Variants in KIF17 observed in about 807,000 individuals in gnomAD.
KIF17 encodes kinesin-like protein KIF17.
A neutral mutation model predicts 96.8 loss-of-function variants in KIF17; 80 were observed. That is an observed-to-expected ratio of 0.83 (90% CI 0.69 to 1.00). The LOEUF (loss-of-function observed/expected upper bound fraction) is 1.00, where lower values mean the gene tolerates loss of function less well. Among genes scored for constraint, KIF17 ranks in the 50% least tolerant of loss-of-function variants. The pLI, the probability that KIF17 is intolerant of heterozygous loss-of-function variation, is 0.00. For missense variants in KIF17, 1,280 were observed against 1,372.9 expected (o/e 0.93, Z 1.07); for synonymous variants, 567 against 587.5 (o/e 0.97, Z 0.51).
intron 8 of KIF17, among the ~76,000 whole-genome samples, chr1:20,686,957 C>T (rs1457398586): frequency 1.3e-5 from 2 of 152,148 alleles, no homozygotes; most frequent in African/African-American, 2.4e-5. Context: ...CCAGAAGCCT[C>T]GTGGTCACTG....
intron 2 of KIF17, among the ~76,000 whole-genome samples, chr1:20,714,326 CA>C (rs934872808): frequency 1.3e-3 from 170 of 130,536 alleles, no homozygotes; most frequent in Non-Finnish European, 1.2e-3. Context: ...GACTCCGTCT[CA>C]AAAAAAAAAA....
chr1:20,665,547 A>G (rs2053512916), intron 14 of KIF17, among the ~76,000 whole-genome samples: 1 of 151,666 alleles, frequency 6.6e-6, no homozygotes, highest in Admixed American at 6.6e-5. Context: ...TTACAGGCAC[A>G]CGCCACTACC....
chr1:20,668,976 GC>G (rs1318092471), intron 13 of KIF17, among the ~76,000 whole-genome samples: 1 of 152,142 alleles, frequency 6.6e-6, no homozygotes, highest in Non-Finnish European at 1.5e-5. Context: ...GTCCCCAGCA[GC>G]CACCAGAGGC....
rs754132551 is a variant in KIF17 at position 20,709,117 on chromosome 1, G to A, written c.670+522C>T. 6.6e-6 allele frequency among the ~76,000 whole-genome samples: 1 copy of A among 152,228 alleles called. No individual in the cohort carries two copies. Among genetic ancestry groups the A allele is most frequent in the Non-Finnish European group, 1.5e-5 (1 of 68,042 alleles). On this transcript the variant is annotated intron_variant, in intron 4 of 14. Coordinates refer to ENST00000400463, the MANE Select transcript of KIF17 (RefSeq NM_001122819.3). The surrounding 1 kb of genome is among the most constrained non-coding windows in gnomAD (Gnocchi z 4.7). Reference sequence around the variant, plus strand: ...ACATTGCCTGGCACACTGGCCGGGCGCAGTGGCTCAAGCCTGTAATCCTAA... The same window carrying A: ...ACATTGCCTGGCACACTGGCCGGGCACAGTGGCTCAAGCCTGTAATCCTAA...
chr1:20,684,311 G>A (rs1160590594), intron 10 of KIF17, among the ~76,000 whole-genome samples: 2 of 152,234 alleles, frequency 1.3e-5, no homozygotes, highest in African/African-American at 2.4e-5. Context: ...GTCTCCGCCT[G>A]TTGAACCCCT....
chr1:20,665,878 AGGAAGCTGGCGCGTAACTAGTGAG>A (rs1557578611), intron 14 of KIF17, among the ~76,000 whole-genome samples: 2 of 152,160 alleles, frequency 1.3e-5, no homozygotes, highest in Non-Finnish European at 2.9e-5. Flanking sequence ...GTGACTCGCC[AGGAAGCTGGCGCGTAACTAGTGAG>A]GCCTAAACCC....
rs1375050961 is a variant in KIF17, at chr1:20,666,171, C to A, written c.2908+43G>T. 29 of 1,428,380 alleles carry A rather than the reference C, an allele frequency of 2.0e-5. 1 individual carries two copies. The highest frequency in any genetic ancestry group is 2.9e-5 in the Non-Finnish European group (29 of 1,010,674). 88.5% of individuals were successfully genotyped at this position (1,428,380 alleles called of 1,614,324 possible). On this transcript the variant is annotated intron_variant, in intron 14 of 14. Transcript: ENST00000400463. ...TCAAAACTATCCCCTTCACGCCTCTCCCAGTTGTGTGGAGAGGGTGGGGAC... is the reference window on the plus strand; with the variant it reads ...TCAAAACTATCCCCTTCACGCCTCTACCAGTTGTGTGGAGAGGGTGGGGAC...
rs1557600875 is a variant in KIF17 at position 20,703,186 on chromosome 1, G to GGATGA, written c.1123+1260_1123+1261insTCATC. On this transcript the variant is annotated intron_variant, in intron 5 of 14. Transcript: ENST00000400463. ...ATGGAGATGGATGGATGAATGGATG[G>GGATGA]ACGGATGGATGGGAGATGGAAGGAT... 3.7e-4 allele frequency among the ~76,000 whole-genome samples: 36 copies of GGATGA among 96,064 alleles called. No individual in the cohort carries two copies. The East Asian group carries it at 9.4e-3, about 25-fold the overall frequency. 63.0% of individuals were successfully genotyped at this position (96,064 alleles called of 152,430 possible).
chr1:20,698,463 T>G lies in KIF17; in HGVS notation c.1149A>C (p.Pro383=). 1 of 1,613,418 alleles carries G rather than the reference T, an allele frequency of 6.2e-7. No homozygotes were observed. The highest frequency in any genetic ancestry group is 8.5e-7 in the Non-Finnish European group (1 of 1,179,954). Residue 383 remains proline (P), a synonymous_variant, in exon 6 of 15, where the codon CCA becomes CCC. Transcript: ENST00000400463. ...LSALLSRQVP[P]DPVQVEEKLL... The stretch of plus-strand genomic sequence containing the variant: ...GCTTCTCCTCCACCTGCACAGGGTC[T>G]GGGGGCACCTGCCTGGACAGCAGGG...
At position 20,685,970 on chromosome 1, in the gene KIF17, G is replaced by A. The variant is rs2053930044; in HGVS notation, c.2019+76C>T. The A allele has an allele frequency of 2.5e-6, 3 of 1,180,918 alleles. No homozygotes were observed. Among genetic ancestry groups the A allele is most frequent in the Admixed American group, 2.0e-5 (1 of 50,484 alleles). 73.2% of individuals were successfully genotyped at this position (1,180,918 alleles called of 1,614,324 possible). A position where few individuals can be genotyped will look rare whatever the true frequency, so the allele number is the denominator to read the frequency against. On this transcript the variant is annotated intron_variant, in intron 9 of 14. Transcript: ENST00000400463. This position sits in a 1 kb window ranked among gnomAD's most constrained non-coding sequence, Gnocchi z 4.1. The stretch of plus-strand genomic sequence containing the variant: ...ATGAGGAAACTGAAGCTCAGGGAGG[G>A]AGAAGACAAGCTGGAGTTTCCCAGG...
downstream of KIF17, among the ~76,000 whole-genome samples, chr1:20,662,812 G>C (rs568666165): frequency 1.6e-4 from 25 of 152,254 alleles, no homozygotes; most frequent in African/African-American, 5.8e-4. Context: ...GCTTTGCAGC[G>C]CTCTCCGCCA....
At position 20,664,704 on chromosome 1, in the gene KIF17, TGG is replaced by T. The variant is rs2053494696; in HGVS notation, c.2965_2966del (p.Pro989ThrfsTer6). The T allele has an allele frequency of 1.1e-5, 4 of 362,642 alleles. No individual in the cohort carries two copies. The highest frequency in any genetic ancestry group is 2.1e-5 in the Non-Finnish European group (4 of 187,306). The allele number at this position is 362,642 out of a possible 1,614,324, so 22.5% of individuals were successfully genotyped here. On this transcript the variant is annotated frameshift_variant, in exon 15 of 15. Transcript: ENST00000400463. LOFTEE classifies it high-confidence loss of function. ...SCPLSNNSAI[P>X]PTQAPEMPQP... ...GGGGCATTTCAGGGGCCTGGGTGGG[TGG>T]GATGGCAGAGTTGTTGCTGAGTGGG... is the stretch of plus-strand genomic sequence containing the variant.
At position 20,709,659 on chromosome 1, in the gene KIF17, C is replaced by T; in HGVS notation, c.650G>A (p.Ser217Asn). The part of the protein sequence containing the change: ...SSRSHSIFTI[S>N]IEMSAVDERG... ...CATACCCACGGCAGACATCTCGATG[C>T]TGATGGTGAAGATGGAGTGCGAGCG... Residue 217 changes from serine to asparagine, a missense_variant, in exon 4 of 15, where the codon AGC becomes AAC. Transcript: ENST00000400463. This position sits in a 1 kb window ranked among gnomAD's most constrained non-coding sequence, Gnocchi z 4.7. 5 of 1,614,088 alleles carry T rather than the reference C, an allele frequency of 3.1e-6. No homozygotes were observed. The highest frequency in any genetic ancestry group is 4.2e-6 in the Non-Finnish European group (5 of 1,180,036).
At chr1:20,697,856 G>A (rs984266378) in intron 6 of KIF17, among the ~76,000 whole-genome samples, 1 of 152,200 alleles carries the variant, frequency 6.6e-6, no homozygotes, top group African/African-American at 2.4e-5. Context: ...CAGGGGTGTT[G>A]GGAGGCACTC....
intron 1 of KIF17, 50 bp downstream of exon 1, chr1:20,717,426 G>A: frequency 1.9e-6 from 3 of 1,601,496 alleles, no homozygotes; most frequent in Non-Finnish European, 2.5e-6. Flanking sequence ...GGACTCTCGG[G>A]GCGGCCTCAT....
intron 14 of KIF17, 137 bp from the exon 15 acceptor site, chr1:20,664,899 C>A: frequency 1.2e-6 from 1 of 822,452 alleles, no homozygotes; most frequent in Non-Finnish European, 2.0e-6. Flanking sequence ...GGCCCTGCAG[C>A]TGGGACCCCA....
rs1397978042 is a variant in KIF17, at chr1:20,717,561, G to C, written c.146C>G (p.Pro49Arg). 9 of 1,611,446 alleles carry C rather than the reference G, an allele frequency of 5.6e-6. No homozygotes were observed. Among genetic ancestry groups the C allele is most frequent in the African/African-American group, 1.3e-5 (1 of 74,894 alleles). The change falls in exon 1 of 15, where the codon CCC becomes CGC. Residue 49 changes from proline (P) to arginine (R), a missense_variant. Pro to Arg is a moderately radical substitution (Grantham distance 103, BLOSUM62 -2). Coordinates refer to ENST00000400463, the MANE Select transcript of KIF17 (RefSeq NM_001122819.3). Reference sequence around the variant, plus strand: ...GGCGCCGTCGAAGGTGAACTGCTTGGGCGGCTCGTCGGCGGCGCCCGGGTT... The same window carrying C: ...GGCGCCGTCGAAGGTGAACTGCTTGCGCGGCTCGTCGGCGGCGCCCGGGTT... ...IQNPGAADEPPKQFTFDGAYH... is the reference protein window; with the variant it reads ...IQNPGAADEPRKQFTFDGAYH...
chr1:20,665,394 A>ATTTTTT (rs33986427), intron 14 of KIF17, among the ~76,000 whole-genome samples: 6 of 80,898 alleles, frequency 7.4e-5, no homozygotes, highest in Admixed American at 1.6e-4. Flanking sequence ...TACCCAGCTA[A>ATTTTTT]TTTTTTTTTT....
intron 7 of KIF17, among the ~76,000 whole-genome samples, chr1:20,689,563 A>C (rs1034301939): frequency 6.6e-6 from 1 of 152,084 alleles, no homozygotes; most frequent in African/African-American, 2.4e-5. Context: ...AGGCACGAGA[A>C]TTGCTTAAAT....
Sources: gnomAD v4.1 joint callset for allele counts (sites outside exome capture counted in the v4.1 genomes callset) on GRCh38, gnomAD v4.1.1 for gene constraint, Gnocchi (gnomAD v3.1) non-coding constraint, MANE v1.5 for transcripts, NCBI Gene and HGNC (gene_info 2026-07-23, HGNC 2026-07-21) for gene names.